The following TNK2 variants were observed in gnomAD, a reference collection of about 807,000 sequenced individuals.
TNK2 encodes the protein activated CDC42 kinase 1.
TNK2 carries 83 observed loss-of-function variants against 101.8 expected under a neutral mutation model. That is an observed-to-expected ratio of 0.82 (90% CI 0.68 to 0.98). The LOEUF (loss-of-function observed/expected upper bound fraction) is 0.98. Ranked by LOEUF, TNK2 falls within the 50% of genes least tolerant of loss-of-function variation. The pLI, the probability that TNK2 is intolerant of heterozygous loss-of-function variation, is 0.00. For synonymous variants in TNK2, 804 were observed against 633.0 expected (o/e 1.27, Z -4.06); for missense variants, 1,665 against 1,483.2 (o/e 1.12, Z -2.01).
intron 12 of TNK2, 192 bp from the exon 13 acceptor site, chr3:195,868,901 A>G: frequency 3.2e-6 from 2 of 626,358 alleles, no homozygotes; most frequent in East Asian, 3.2e-5. Context: ...AGGAGGGCGG[A>G]ACCTGCTCTG....
intron 1 of TNK2, chr3:195,895,486 G>A (rs1416405850): frequency 1.5e-6 from 2 of 1,361,386 alleles, no homozygotes; most frequent in Non-Finnish European, 1.9e-6. Flanking sequence ...CCGGCGGCCG[G>A]GTGGTCGCGC....
At chr3:195,890,924 C>T (rs1202424230) in intron 1 of TNK2, among the ~76,000 whole-genome samples, 1 of 152,174 alleles carries the variant, frequency 6.6e-6, no homozygotes, top group Non-Finnish European at 1.5e-5. Flanking sequence ...GGTGTTTCCA[C>T]CTGAGGTCTC....
At chr3:195,876,345 A>T in intron 9 of TNK2, 1 of 451,880 alleles carries the variant, frequency 2.2e-6, no homozygotes, top group South Asian at 1.6e-5. Flanking sequence ...AATACTGGAC[A>T]CAGCTTCGCA....
In TNK2 at chr3:195,868,364, G is replaced by A. The variant is rs768199433; in HGVS notation, c.1934C>T (p.Pro645Leu). ...PVVDWDARPL[P>L]PPPAYDDVAQ... ...CACGTCGTCATAGGCGGGCGGGGGG[G>A]GCAGCGGGCGTGCGTCCCAGTCCAC... Residue 645 changes from proline (P) to leucine (L), a missense_variant, in exon 13 of 16, where the codon CCC (proline) becomes CTC (leucine). Coordinates refer to ENST00000672887, the MANE Select transcript of TNK2 (RefSeq NM_001382273.1). 2.5e-6 allele frequency: 4 copies of A among 1,597,138 alleles called. No individual in the cohort carries two copies. Among genetic ancestry groups the A allele is most frequent in the Middle Eastern group, 1.7e-4 (1 of 6,020 alleles).
chr3:195,866,867 G>T (rs910578722), intron 15 of TNK2, 22 bp downstream of exon 15: 9 of 1,606,614 alleles, frequency 5.6e-6, no homozygotes, highest in Non-Finnish European at 6.8e-6. Flanking sequence ...ACGGAGCGGG[G>T]CAGACTGTGG....
Position 195,867,719 on chromosome 3 carries a change from A to G in TNK2, c.2579T>C (p.Leu860Pro). The change falls in exon 13 of 16, where the codon CTG becomes CCG. Residue 860 changes from leucine to proline, a missense_variant. By Grantham distance (98) the Leu-to-Pro change is moderately conservative. Transcript: ENST00000672887. ...CTTCTTGCCATCCCGGACGATGGGC[A>G]GGATGCAGGGACCAGCCCGCGGGCC... The part of the protein sequence containing the change: ...APGPRAGPCI[L>P]PIVRDGKKVS... 6.2e-7 allele frequency: 1 copy of G among 1,606,528 alleles called. No individual in the cohort carries two copies. Among genetic ancestry groups the G allele is most frequent in the East Asian group, 2.2e-5 (1 of 44,804 alleles).
At chr3:195,906,458 G>A (rs1455297876) in intron 1 of TNK2, among the ~76,000 whole-genome samples, 1 of 152,146 alleles carries the variant, frequency 6.6e-6, no homozygotes, top group Non-Finnish European at 1.5e-5. Flanking sequence ...CTGTTGATAC[G>A]CGCAACCACC....
Position 195,882,435 on chromosome 3 carries a change from C to G in TNK2, c.610-107G>C. On this transcript the variant is annotated intron_variant, in intron 5 of 15. Coordinates refer to ENST00000672887, the MANE Select transcript of TNK2 (RefSeq NM_001382273.1). The surrounding 1 kb of genome is among the most constrained non-coding windows in gnomAD (Gnocchi z 4.2). ...TTCCTGAAGGCTTTCCAGAGCCAGG[C>G]TGCACGCACCTTCCTGGCCTGCTGT... 6.4e-7 allele frequency: 1 copy of G among 1,561,612 alleles called. No individual in the cohort carries two copies. Among genetic ancestry groups the G allele is most frequent in the Non-Finnish European group, 8.7e-7 (1 of 1,153,632 alleles).
intron 1 of TNK2, among the ~76,000 whole-genome samples, chr3:195,889,805 T>A (rs1262438541): frequency 6.6e-6 from 1 of 152,220 alleles, no homozygotes; most frequent in Non-Finnish European, 1.5e-5. Flanking sequence ...GTAAGGTGTG[T>A]CAGAGCTGAG....
At chr3:195,876,676 G>A (rs1219639138) in intron 9 of TNK2, 2 of 454,566 alleles carry the variant, frequency 4.4e-6, no homozygotes, top group Non-Finnish European at 8.8e-6. Context: ...GTGGCCCAGG[G>A]GGAAGGAGCC....
At position 195,869,608 on chromosome 3, in the gene TNK2, G is replaced by A. The variant is rs141437423; in HGVS notation, c.1544-67C>T. ...AGGACAGAGGACAAAGGAGGGAGAC[G>A]GCCGGACGAGAGGGCAGAGTGTAGA... is the stretch of plus-strand genomic sequence containing the variant. On this transcript the variant is annotated intron_variant, in intron 11 of 15. Coordinates refer to ENST00000672887, the MANE Select transcript of TNK2 (RefSeq NM_001382273.1). 278 of 1,477,196 alleles carry A rather than the reference G, an allele frequency of 1.9e-4. 2 individuals carry two copies. The East Asian group carries it at 5.9e-3, about 32-fold the overall frequency. 91.5% of individuals were successfully genotyped at this position (1,477,196 alleles called of 1,614,324 possible). A position where few individuals can be genotyped will look rare whatever the true frequency, so the allele number is the denominator to read the frequency against.
intron 1 of TNK2, chr3:195,896,013 C>T (rs1345925112): frequency 1.0e-5 from 4 of 397,836 alleles, no homozygotes; most frequent in Admixed American, 6.0e-5. Flanking sequence ...CGCGCCACTC[C>T]CGCAACGCCG....
At chr3:195,876,467 T>C (rs1428421611) in intron 9 of TNK2, 2 of 456,674 alleles carry the variant, frequency 4.4e-6, no homozygotes, top group Non-Finnish European at 8.8e-6. Context: ...CCTGGAGACA[T>C]GGAGACGGAG....
chr3:195,878,416 C>A lies in TNK2; in HGVS notation c.1161+30G>T. On this transcript the variant is annotated intron_variant, in intron 8 of 15. Coordinates refer to ENST00000672887, the MANE Select transcript of TNK2 (RefSeq NM_001382273.1). The surrounding 1 kb of genome is among the most constrained non-coding windows in gnomAD (Gnocchi z 4.7). ...TGGGTAGCCCCTCAGCTTGAACACCCCAGCTCTCCTGGGCTGACCTGTCCC... is the reference window on the plus strand; with the variant it reads ...TGGGTAGCCCCTCAGCTTGAACACCACAGCTCTCCTGGGCTGACCTGTCCC... 1 of 1,613,896 alleles carries A rather than the reference C, an allele frequency of 6.2e-7. No homozygotes were observed. The highest frequency in any genetic ancestry group is 8.5e-7 in the Non-Finnish European group (1 of 1,179,944).
At chr3:195,893,446 T>C (rs797017909) in intron 1 of TNK2, among the ~76,000 whole-genome samples, 30 of 151,418 alleles carry the variant, frequency 2.0e-4, no homozygotes, top group African/African-American at 6.8e-4. Context: ...CAAACAAATA[T>C]GCCCTGAGAC....
At position 195,900,364 on chromosome 3, in the gene TNK2, G is replaced by A. The variant is rs1761076591; in HGVS notation, c.-19+8121C>T. The stretch of plus-strand genomic sequence containing the variant: ...TCCCCTCCAACTCCAGTGGAGAAGG[G>A]AATGTCACTTGAGAGAGGAGGGGTG... On this transcript the variant is annotated intron_variant, in intron 1 of 15. Coordinates refer to ENST00000672887, the MANE Select transcript of TNK2 (RefSeq NM_001382273.1). Among the ~76,000 whole-genome samples, 2 of 152,146 alleles carry A rather than the reference G, an allele frequency of 1.3e-5. 1 individual carries two copies. Among genetic ancestry groups the A allele is most frequent in the South Asian group, 4.1e-4 (2 of 4,822 alleles).
At chr3:195,887,222 A>C (rs1248264940) in intron 2 of TNK2, among the ~76,000 whole-genome samples, 175 bp from the exon 3 acceptor site, 3 of 152,256 alleles carry the variant, frequency 2.0e-5, no homozygotes, top group African/African-American at 7.2e-5. Flanking sequence ...TCTGCACTCC[A>C]CTTCCTGGCA....
At position 195,885,538 on chromosome 3, in the gene TNK2, T is replaced by C; in HGVS notation, c.235-505A>G. 7.7e-7 allele frequency: 1 copy of C among 1,291,970 alleles called. No homozygotes were observed. The allele number at this position is 1,291,970 out of a possible 1,614,324, so 80.0% of individuals were successfully genotyped here. A position where few individuals can be genotyped will look rare whatever the true frequency, so the allele number is the denominator to read the frequency against. On this transcript the variant is annotated intron_variant, in intron 3 of 15. Coordinates refer to ENST00000672887, the MANE Select transcript of TNK2 (RefSeq NM_001382273.1). The surrounding 1 kb of genome is among the most constrained non-coding windows in gnomAD (Gnocchi z 4.7). Reference sequence around the variant, plus strand: ...ACCCTCACCAGGGAGTCGGCTGCCCTTCATCCTGCCCAGGGGAGAGGATAA... The same window carrying C: ...ACCCTCACCAGGGAGTCGGCTGCCCCTCATCCTGCCCAGGGGAGAGGATAA...
chr3:195,897,946 T>G (rs1426994574), intron 1 of TNK2, among the ~76,000 whole-genome samples: 2 of 151,454 alleles, frequency 1.3e-5, no homozygotes, highest in Non-Finnish European at 2.9e-5. Flanking sequence ...CAGGGACTCC[T>G]ATTACCACCT....
Sources: gnomAD v4.1 joint callset for allele counts (sites outside exome capture counted in the v4.1 genomes callset) on GRCh38, gnomAD v4.1.1 for gene constraint, Gnocchi (gnomAD v3.1) non-coding constraint, MANE v1.5 for transcripts, NCBI Gene and HGNC (gene_info 2026-07-23, HGNC 2026-07-21) for gene names.